The following TBCD variants were observed in gnomAD, a reference collection of about 807,000 sequenced individuals.
TBCD encodes tubulin folding cofactor D, also known as tubulin-specific chaperone D.
In TBCD, 105 loss-of-function variants were observed where a neutral mutation model predicts 169.3. That is an observed-to-expected ratio of 0.62 (90% CI 0.53 to 0.73). The LOEUF (loss-of-function observed/expected upper bound fraction) is 0.73. Among genes scored for constraint, TBCD ranks in the 30% least tolerant of loss-of-function variants. The pLI, the probability that TBCD is intolerant of heterozygous loss-of-function variation, is 0.00. For missense variants in TBCD, 1,444 were observed against 1,600.1 expected (o/e 0.90, Z 1.66); for synonymous variants, 700 against 643.9 (o/e 1.09, Z -1.32).
chr17:82,932,659 G>T lies in TBCD; in HGVS notation c.3115G>T (p.Val1039Leu). 6.2e-7 allele frequency: 1 copy of T among 1,612,972 alleles called. No homozygotes were observed. Among genetic ancestry groups the T allele is most frequent in the South Asian group, 1.1e-5 (1 of 90,696 alleles). Residue 1039 changes from valine to leucine, a missense_variant and splice_region_variant, in exon 34 of 39, where the codon GTG becomes TTG. Physicochemically the swap from Val to Leu is conservative, Grantham distance 32. Transcript: ENST00000355528. ...TCTCACAGCTCCTTCTCCCCTCAGGGTGTCCGTGCCGCTGCTGAAGACGCT... is the reference window on the plus strand; with the variant it reads ...TCTCACAGCTCCTTCTCCCCTCAGGTTGTCCGTGCCGCTGCTGAAGACGCT... ...IFEDNLLNERVSVPLLKTLDH... is the reference protein window; with the variant it reads ...IFEDNLLNERLSVPLLKTLDH...
rs1401600586 is a variant in TBCD, at chr17:82,806,091, TCTTC to T, written c.1087+84_1087+87del. On this transcript the variant is annotated intron_variant, in intron 10 of 38. Transcript: ENST00000355528. This position sits in a 1 kb window ranked among gnomAD's most constrained non-coding sequence, Gnocchi z 5.1. ...CCTCTACTCCAGGACCACACTTCCT[TCTTC>T]CTTGCTGGTGCCGGCACTGTCTGGC... The T allele has an allele frequency of 6.4e-6, 10 of 1,554,570 alleles. No individual in the cohort carries two copies. The African/African-American group carries it at 8.1e-5, about 13-fold the overall frequency.
rs996140147 is a variant in TBCD, at chr17:82,926,400, G to A, written c.2380G>A (p.Val794Ile). 18 of 1,613,846 alleles carry A rather than the reference G, an allele frequency of 1.1e-5. No homozygotes were observed. The highest frequency in any genetic ancestry group is 1.5e-5 in the Non-Finnish European group (18 of 1,179,762). ...GFLLKGRLQQ[V>I]LTGLRAVTHT... ...TCTGTGATTCTTTATTGCTTTCCAG[G>A]TTCTCACAGGTTTAAGAGCAGTTAC... The change falls in exon 28 of 39, where the codon GTT becomes ATT. Residue 794 changes from valine (V) to isoleucine (I), a missense_variant and splice_region_variant. By Grantham distance (29) the Val-to-Ile change is conservative. Coordinates refer to ENST00000355528, the MANE Select transcript of TBCD (RefSeq NM_005993.5).
intron 13 of TBCD, among the ~76,000 whole-genome samples, chr17:82,855,750 A>C (rs2056220058): frequency 6.6e-6 from 1 of 152,178 alleles, no homozygotes; most frequent in African/African-American, 2.4e-5. Flanking sequence ...GTCACCGAAA[A>C]AATACTCTGG....
chr17:82,859,826 A>G lies in TBCD; in HGVS notation c.1319-10398A>G, dbSNP rs1009068662. 3 of 985,316 alleles carry G rather than the reference A, an allele frequency of 3.0e-6. No homozygotes were observed. In the African/African-American group the frequency reaches 5.2e-5, roughly 17 times the overall value. The allele number at this position is 985,316 out of a possible 1,614,324, so 61.0% of individuals were successfully genotyped here. On this transcript the variant is annotated intron_variant, in intron 13 of 38. Coordinates refer to ENST00000355528, the MANE Select transcript of TBCD (RefSeq NM_005993.5). ...TCATGGCAGTGACCCAGAAAGATTC[A>G]TCAGTGGGCGGTGAGTTGGGAACAG...
intron 13 of TBCD, chr17:82,830,201 CCTT>C (rs755160805): frequency 6.2e-7 from 1 of 1,614,212 alleles, no homozygotes; most frequent in South Asian, 1.1e-5. Context: ...TGCAGCTTCG[CCTT>C]CTTAGCTCCT....
chr17:82,862,018 G>A (rs546314321), intron 13 of TBCD, among the ~76,000 whole-genome samples: 2 of 152,090 alleles, frequency 1.3e-5, no homozygotes, highest in South Asian at 2.1e-4. Flanking sequence ...CGCCTCCCAG[G>A]TTCACGCCAT....
rs950697668 is a variant in TBCD at position 82,752,108 on chromosome 17, C to G, written c.-86C>G. The G allele has an allele frequency of 6.6e-6, 9 of 1,362,066 alleles. No individual in the cohort carries two copies. The African/African-American group carries it at 9.2e-5, about 14-fold the overall frequency. 84.4% of individuals were successfully genotyped at this position (1,362,066 alleles called of 1,614,324 possible). A position where few individuals can be genotyped will look rare whatever the true frequency, so the allele number is the denominator to read the frequency against. On this transcript the variant is annotated 5_prime_UTR_variant, in exon 1 of 39. Coordinates refer to ENST00000355528, the MANE Select transcript of TBCD (RefSeq NM_005993.5). ...CTTAGCGGGCGCCTCCTTTTCATCCCTCATCCTTCATCCCTGGCTTTCGCG... is the reference window on the plus strand; with the variant it reads ...CTTAGCGGGCGCCTCCTTTTCATCCGTCATCCTTCATCCCTGGCTTTCGCG...
Position 82,890,327 on chromosome 17 carries a change from CCTGGGCGGGGA to C in TBCD, c.1563+631_1563+641del, listed in dbSNP as rs2059042056. The stretch of plus-strand genomic sequence containing the variant: ...AGAGGGGACCGGGGTCTGGGCTGGA[CCTGGGCGGGGA>C]GCAAAGTTCCCACGAGAAGTCAGCC... On this transcript the variant is annotated intron_variant, in intron 16 of 38. Coordinates refer to ENST00000355528, the MANE Select transcript of TBCD (RefSeq NM_005993.5). The surrounding 1 kb of genome is among the most constrained non-coding windows in gnomAD (Gnocchi z 5.3). 6.6e-6 allele frequency among the ~76,000 whole-genome samples: 1 copy of C among 151,930 alleles called. No homozygotes were observed. The highest frequency in any genetic ancestry group is 1.5e-5 in the Non-Finnish European group (1 of 67,958).
chr17:82,858,949 G>C (rs1489719450), intron 13 of TBCD, among the ~76,000 whole-genome samples: 1 of 152,236 alleles, frequency 6.6e-6, no homozygotes, highest in African/African-American at 2.4e-5. Context: ...CGCCTCTGTG[G>C]GGCTGGGGGT....
chr17:82,909,239 T>G (rs1200533449), intron 21 of TBCD, 46 bp from the exon 22 acceptor site: 1 of 1,395,822 alleles, frequency 7.2e-7, no homozygotes, highest in East Asian at 2.5e-5. Context: ...ATACGTATTA[T>G]TTTAAAATTT....
intron 8 of TBCD, among the ~76,000 whole-genome samples, chr17:82,800,548 G>A (rs923237872): frequency 4.6e-5 from 7 of 151,948 alleles, no homozygotes; most frequent in African/African-American, 1.7e-4. Flanking sequence ...CAGGATGCCC[G>A]TGGCCTGTGG....
chr17:82,857,677 G>A (rs150621343), intron 13 of TBCD, among the ~76,000 whole-genome samples: 3 of 151,648 alleles, frequency 2.0e-5, no homozygotes, highest in East Asian at 3.9e-4. Context: ...GAAGCTTGTC[G>A]GAGTGTTATT....
intron 37 of TBCD, among the ~76,000 whole-genome samples, chr17:82,940,231 A>ACACACACTCT (rs1568109705): frequency 6.6e-6 from 1 of 151,664 alleles, no homozygotes; most frequent in Non-Finnish European, 1.5e-5. Context: ...GCACACACAC[A>ACACACACTCT]CACACACACA....
chr17:82,791,759 C>G (rs931466969), intron 7 of TBCD, among the ~76,000 whole-genome samples: 2 of 152,196 alleles, frequency 1.3e-5, no homozygotes, highest in Non-Finnish European at 2.9e-5. Flanking sequence ...TCATGCGTCC[C>G]CTAACAATGA....
chr17:82,844,807 T>C (rs2054862073), intron 13 of TBCD, among the ~76,000 whole-genome samples: 1 of 152,188 alleles, frequency 6.6e-6, no homozygotes, highest in Non-Finnish European at 1.5e-5. Flanking sequence ...GGAACCGTCA[T>C]GGGGGTGGCA....
At chr17:82,891,729 A>G (rs1375745700) in intron 16 of TBCD, among the ~76,000 whole-genome samples, 10 of 147,004 alleles carry the variant, frequency 6.8e-5, no homozygotes, top group Admixed American at 6.8e-4. Context: ...AGCAGCAGGG[A>G]TGGGGGGTGG....
At chr17:82,798,170 G>A (rs1307538534) in intron 8 of TBCD, among the ~76,000 whole-genome samples, 1 of 129,230 alleles carries the variant, frequency 7.7e-6, no homozygotes, top group Non-Finnish European at 1.7e-5. Flanking sequence ...TTTTTGAGAT[G>A]GATTTTCTCT....
At chr17:82,888,129 G>A (rs1345984374) in intron 15 of TBCD, among the ~76,000 whole-genome samples, 2 of 152,294 alleles carry the variant, frequency 1.3e-5, no homozygotes, top group East Asian at 3.9e-4. Flanking sequence ...TGTTTTTAGT[G>A]CTTTTTAAGA....
intron 13 of TBCD, among the ~76,000 whole-genome samples, chr17:82,855,993 C>CTTTTTTTTTTTTTTTTT (rs60978063): frequency 4.5e-5 from 3 of 66,276 alleles, no homozygotes; most frequent in African/African-American, 7.0e-5. Flanking sequence ...TCCCCCCCCA[C>CTTTTTTTTTTTTTTTTT]TTTTTTTTTT....
Sources: allele counts gnomAD v4.1 joint callset (sites outside exome capture counted in the v4.1 genomes callset), GRCh38; gene constraint gnomAD v4.1.1; non-coding constraint Gnocchi (gnomAD v3.1); transcripts MANE v1.5; gene names NCBI Gene and HGNC (gene_info 2026-07-23, HGNC 2026-07-21).